HPSE2: variants seen among roughly 807,000 people sequenced by gnomAD.
HPSE2 encodes inactive heparanase-2.
A neutral mutation model predicts 60.5 loss-of-function variants in HPSE2; 38 were observed. The ratio of observed to expected loss-of-function variants is 0.63; its 90% CI spans 0.48 to 0.82. HPSE2 has a LOEUF of 0.82. HPSE2 is among the 40% of genes least tolerant of loss of function. The pLI is 0.00. For missense variants in HPSE2, 713 were observed against 740.4 expected, an observed-to-expected ratio of 0.96 and a Z score of 0.43; for synonymous variants, 295 against 293.2, an observed-to-expected ratio of 1.01 and a Z score of -0.06.
intron 3 of HPSE2, among the ~76,000 whole-genome samples, chr10:99,005,379 A>C (rs1956868201): frequency 6.6e-6 from 1 of 152,044 alleles, no homozygotes; most frequent in African/African-American, 2.4e-5. Context: ...CATATTTTCA[A>C]ATAATCTGTC....
the HPSE2 span, among the ~76,000 whole-genome samples, chr10:99,250,067 C>T: frequency 8.0e-5 from 12 of 150,176 alleles, no homozygotes; most frequent in South Asian, 2.1e-4. Flanking sequence ...CACTTGAAAC[C>T]GGAAGGTGGA....
At chr10:98,742,426 A>C (rs1187557900) in intron 4 of HPSE2, among the ~76,000 whole-genome samples, 1 of 151,998 alleles carries the variant, frequency 6.6e-6, no homozygotes, top group Non-Finnish European at 1.5e-5. Context: ...TGCTCCAAAC[A>C]AATATGGGTT....
chr10:98,673,999 G>A (rs903735446), intron 6 of HPSE2, among the ~76,000 whole-genome samples: 2 of 152,142 alleles, frequency 1.3e-5, no homozygotes, highest in African/African-American at 4.8e-5. Flanking sequence ...TACTCAGTAG[G>A]TCCAGATTGG....
At chr10:98,634,908 T>C (rs1946456792) in intron 7 of HPSE2, among the ~76,000 whole-genome samples, 1 of 152,206 alleles carries the variant, frequency 6.6e-6, no homozygotes, top group Non-Finnish European at 1.5e-5. Context: ...TTTTAGGTGT[T>C]AGCCTCAATG....
intron 5 of HPSE2, 80 bp from the exon 6 acceptor site, chr10:98,694,027 C>G (rs1948148019): frequency 1.8e-6 from 2 of 1,092,588 alleles, no homozygotes; most frequent in African/African-American, 3.1e-5. Context: ...TAAACTGAGA[C>G]AGATTAGACC....
intron 3 of HPSE2, among the ~76,000 whole-genome samples, chr10:98,968,437 T>G (rs915407628): frequency 2.0e-5 from 3 of 152,168 alleles, no homozygotes; most frequent in Non-Finnish European, 4.4e-5. Context: ...CAGAAAACAG[T>G]ATGGAGCTTC....
chr10:99,309,689 T>C, the HPSE2 span, among the ~76,000 whole-genome samples: 7 of 152,222 alleles, frequency 4.6e-5, no homozygotes, highest in Non-Finnish European at 7.3e-5. Flanking sequence ...CAAGTCCATA[T>C]GGCCTGCAAA....
chr10:98,569,469 A>T (rs994378332), intron 9 of HPSE2, among the ~76,000 whole-genome samples: 1 of 152,176 alleles, frequency 6.6e-6, no homozygotes, highest in African/African-American at 2.4e-5. Context: ...TAAAATATAA[A>T]TTTAACAAAA....
intron 3 of HPSE2, among the ~76,000 whole-genome samples, chr10:98,928,803 T>A (rs1486809457): frequency 4.7e-5 from 5 of 105,898 alleles, no homozygotes; most frequent in East Asian, 2.8e-4. Context: ...ACACATGGAC[T>A]CAGGAAGGGG....
At position 99,064,698 on chromosome 10, in the gene HPSE2, G is replaced by A. The variant is rs1248097807; in HGVS notation, c.610+79540C>T. Among the ~76,000 whole-genome samples the A allele has an allele frequency of 2.0e-5, 3 of 149,302 alleles. No homozygotes were observed. The East Asian group carries it at 5.8e-4, about 29-fold the overall frequency. ...AAGTTTTGCCAATTATTAAAAAAAAGCATAATATTATTCTAAAATACACCT... is the reference window on the plus strand; with the variant it reads ...AAGTTTTGCCAATTATTAAAAAAAAACATAATATTATTCTAAAATACACCT... On this transcript the variant is annotated intron_variant, in intron 3 of 11. Transcript: ENST00000370552.
At chr10:98,726,630 TATAATA>T (rs35016961) in intron 4 of HPSE2, among the ~76,000 whole-genome samples, 24,822 of 143,490 alleles carry the variant, frequency 0.17, 2,377 homozygotes, top group African/African-American at 0.24. Flanking sequence ...AAACTTAAAG[TATAATA>T]ATAATAATAA....
At chr10:99,201,928 T>C (rs191713860) in intron 2 of HPSE2, among the ~76,000 whole-genome samples, 5 of 152,278 alleles carry the variant, frequency 3.3e-5, no homozygotes, top group Admixed American at 2.6e-4. Flanking sequence ...TGGTAACTCA[T>C]TAGCCCACCA....
At chr10:98,858,752 G>A (rs1417509833) in intron 3 of HPSE2, among the ~76,000 whole-genome samples, 2 of 152,302 alleles carry the variant, frequency 1.3e-5, no homozygotes, top group African/African-American at 2.4e-5. Context: ...GGGGCTGCTA[G>A]AAGAAATAGA....
At chr10:99,280,639 A>T in the HPSE2 span, among the ~76,000 whole-genome samples, 3,137 of 152,306 alleles carry the variant, frequency 0.021, 107 homozygotes, top group African/African-American at 0.068. Context: ...GGAATTATTC[A>T]GTACCTTCCC....
rs372378699 is a variant in HPSE2, at chr10:99,146,404, C to T, written c.449-2005G>A. Among the ~76,000 whole-genome samples, 20 of 152,268 alleles carry T rather than the reference C, an allele frequency of 1.3e-4. No homozygotes were observed. The East Asian group carries it at 3.5e-3, about 26-fold the overall frequency. The stretch of plus-strand genomic sequence containing the variant: ...TGGTTCTGGAAAATGAGCTGCAGGC[C>T]GACATCTTAAAGGGGGACTTCCCTT... On this transcript the variant is annotated intron_variant, in intron 2 of 11. Coordinates refer to ENST00000370552, the MANE Select transcript of HPSE2 (RefSeq NM_021828.5).
At chr10:98,616,533 G>A (rs1165350974) in intron 8 of HPSE2, among the ~76,000 whole-genome samples, 1 of 151,972 alleles carries the variant, frequency 6.6e-6, no homozygotes, top group Non-Finnish European at 1.5e-5. Flanking sequence ...TTTCCTTGCT[G>A]GAATAAAGAG....
chr10:98,801,785 T>A lies in HPSE2; in HGVS notation c.611-57729A>T, dbSNP rs1473100885. ...ACACTACCCAGACCAATCTACAGAT[T>A]CAATGCAATCCCTATCAAAATACCA... On this transcript the variant is annotated intron_variant, in intron 3 of 11. Coordinates refer to ENST00000370552, the MANE Select transcript of HPSE2 (RefSeq NM_021828.5). Among the ~76,000 whole-genome samples, 11 of 152,286 alleles carry A rather than the reference T, an allele frequency of 7.2e-5. No individual in the cohort carries two copies. The East Asian group carries it at 1.5e-3, about 21-fold the overall frequency.
intron 9 of HPSE2, among the ~76,000 whole-genome samples, chr10:98,580,836 A>ATATATATATGTGTGTGTGTGTGTG: frequency 8.4e-6 from 1 of 119,532 alleles, no homozygotes; most frequent in African/African-American, 3.6e-5. Flanking sequence ...ATATATATAT[A>ATATATATATGTGTGTGTGTGTGTG]TGTGTGTGTG....
chr10:99,226,256 T>G (rs1282661116), intron 2 of HPSE2, among the ~76,000 whole-genome samples: 1 of 151,980 alleles, frequency 6.6e-6, no homozygotes, highest in African/African-American at 2.4e-5. Flanking sequence ...CTCACCAGCA[T>G]TCAACTCTAC....
Sources: allele counts gnomAD v4.1 joint callset (sites outside exome capture counted in the v4.1 genomes callset), GRCh38; gene constraint gnomAD v4.1.1; transcripts MANE v1.5; gene names NCBI Gene and HGNC (gene_info 2026-07-23, HGNC 2026-07-21).